The following SF3A1 variants were observed in gnomAD, a reference collection of about 807,000 sequenced individuals.
The protein encoded by SF3A1 is splicing factor 3a subunit 1, also known as SAP 114.
Under a neutral mutation model 89.9 loss-of-function variants are expected in SF3A1, and 13 were observed. The ratio of observed to expected loss-of-function variants is 0.14; its 90% confidence interval spans 0.09 to 0.23. The LOEUF (loss-of-function observed/expected upper bound fraction) is 0.23, where lower values mean the gene tolerates loss of function less well. SF3A1 is among the 10% of genes least tolerant of loss of function. SF3A1 has a pLI of 1.00. For synonymous variants in SF3A1, 405 were observed against 374.4 expected (o/e 1.08, Z -0.94); for missense variants, 604 against 1,022.1 (o/e 0.59, Z 5.58).
chr22:30,339,587 C>G (rs1431154276), intron 9 of SF3A1, among the ~76,000 whole-genome samples: 1 of 152,138 alleles, frequency 6.6e-6, no homozygotes, highest in Non-Finnish European at 1.5e-5. Flanking sequence ...GAAACCCCGT[C>G]TCTACTGAAA....
chr22:30,341,098 A>G (rs1931237127), intron 7 of SF3A1, among the ~76,000 whole-genome samples: 1 of 132,672 alleles, frequency 7.5e-6, no homozygotes, highest in South Asian at 2.9e-4. Context: ...CCGGGGGGGG[A>G]CAGTGCCAAG....
chr22:30,348,181 C>T (rs1931476509), intron 2 of SF3A1, among the ~76,000 whole-genome samples: 1 of 152,190 alleles, frequency 6.6e-6, no homozygotes, highest in Non-Finnish European at 1.5e-5. Context: ...ATGCAAGGGG[C>T]TAGGAGGGGT....
chr22:30,346,626 C>A, intron 2 of SF3A1, 107 bp from the exon 3 acceptor site: 1 of 1,258,978 alleles, frequency 7.9e-7, no homozygotes, highest in Admixed American at 2.0e-5. Flanking sequence ...ACTGCTCAAA[C>A]CAGCCCATCC....
chr22:30,337,007 G>A lies in SF3A1; in HGVS notation c.2106+19C>T, dbSNP rs777579411. 1 of 1,613,892 alleles carries A rather than the reference G, an allele frequency of 6.2e-7. No homozygotes were observed. Among genetic ancestry groups the A allele is most frequent in the Non-Finnish European group, 8.5e-7 (1 of 1,179,888 alleles). The stretch of plus-strand genomic sequence containing the variant: ...AACCCTCCAGCTAGAAACTTCAGCA[G>A]CATTCTGGGATTACATACCTTGTTT... On this transcript the variant is annotated intron_variant, in intron 13 of 15. Transcript: ENST00000215793.
intron 6 of SF3A1, 61 bp from the exon 7 acceptor site, chr22:30,341,946 T>A: frequency 6.6e-7 from 1 of 1,519,218 alleles, no homozygotes; most frequent in Non-Finnish European, 9.0e-7. Flanking sequence ...TTGCCCTGTC[T>A]GAGCTCCCCA....
At position 30,342,310 on chromosome 22, in the gene SF3A1, T is replaced by G; in HGVS notation, c.767A>C (p.Glu256Ala). Reference protein sequence around the residue: ...RVEWAKFQERERKKEEEEKEK... With the variant: ...RVEWAKFQERARKKEEEEKEK... ...CTTCTCCTCTTCTTCCTTCTTCCTCTCACGTTCCTGGAATTTGGCCCATTC... is the reference window on the plus strand; with the variant it reads ...CTTCTCCTCTTCTTCCTTCTTCCTCGCACGTTCCTGGAATTTGGCCCATTC... Residue 256 changes from glutamate (E) to alanine (A), a missense_variant, in exon 6 of 16, where the codon GAG (glutamate) becomes GCG (alanine). By Grantham distance (107) the Glu-to-Ala change is moderately radical. This residue lies in a region of SF3A1 where 162 missense variants were observed against 229.2 expected (regional missense o/e 0.71). Coordinates refer to ENST00000215793, the MANE Select transcript of SF3A1 (RefSeq NM_005877.6). The G allele has an allele frequency of 6.2e-7, 1 of 1,613,798 alleles. No homozygotes were observed. Among genetic ancestry groups the G allele is most frequent in the Non-Finnish European group, 8.5e-7 (1 of 1,179,866 alleles).
chr22:30,352,992 C>T lies in SF3A1; in HGVS notation c.144G>A (p.Glu48=), dbSNP rs1476574562. The change falls in exon 2 of 16, where the codon GAG becomes GAA. Residue 48 remains glutamate (E), a synonymous_variant. Transcript: ENST00000215793. ...CAGTCTTGTCAACAATATTTCTGAC[C>T]TCTGGAGGAGGGTAAATAATCCCCA... is the stretch of plus-strand genomic sequence containing the variant. ...PVVGIIYPPP[E]VRNIVDKTAS... 1.2e-6 allele frequency: 2 copies of T among 1,614,206 alleles called. No individual in the cohort carries two copies. The highest frequency in any genetic ancestry group is 1.7e-5 in the Admixed American group (1 of 60,024).
chr22:30,348,279 G>T (rs947687001), intron 2 of SF3A1, among the ~76,000 whole-genome samples: 2 of 152,208 alleles, frequency 1.3e-5, no homozygotes, highest in Non-Finnish European at 2.9e-5. Flanking sequence ...ACCAAGGCAT[G>T]GCCCCGGCAT....
intron 2 of SF3A1, among the ~76,000 whole-genome samples, chr22:30,348,340 G>C (rs899810590): frequency 6.6e-6 from 1 of 152,158 alleles, no homozygotes; most frequent in Non-Finnish European, 1.5e-5. Flanking sequence ...TCCCTGGCCT[G>C]TGAGTTTAAG....
rs776661122 is a variant in SF3A1 at position 30,334,342 on chromosome 22, G to C, written c.*252C>G. On this transcript the variant is annotated 3_prime_UTR_variant, in exon 16 of 16. Coordinates refer to ENST00000215793, the MANE Select transcript of SF3A1 (RefSeq NM_005877.6). ...GTTGCTAATGGGCTGCTGAAGAAAT[G>C]AATGTCCTCAAATCGAGACCCTAAC... The C allele has an allele frequency of 1.7e-5, 6 of 350,454 alleles. No homozygotes were observed. Among genetic ancestry groups the C allele is most frequent in the South Asian group, 4.8e-5 (1 of 20,890 alleles). 21.7% of individuals were successfully genotyped at this position (350,454 alleles called of 1,614,324 possible).
At chr22:30,336,980 T>C (rs1345787280) in intron 13 of SF3A1, 46 bp downstream of exon 13, 1 of 1,612,092 alleles carries the variant, frequency 6.2e-7, no homozygotes, top group Admixed American at 1.7e-5. Context: ...GGGGCGGGAC[T>C]GAACCCTCCA....
intron 8 of SF3A1, 151 bp downstream of exon 8, chr22:30,340,544 T>C: frequency 1.2e-6 from 1 of 864,382 alleles, no homozygotes; most frequent in South Asian, 1.5e-5. Context: ...CTGGGCCCTG[T>C]TCCCACCATG....
In SF3A1 at chr22:30,340,311, G is replaced by GTA. The variant is rs1239748693; in HGVS notation, c.1259_1260insTA (p.Pro421ThrfsTer47). The GTA allele has an allele frequency of 6.2e-7, 1 of 1,612,906 alleles. No individual in the cohort carries two copies. The highest frequency in any genetic ancestry group is 8.5e-7 in the Non-Finnish European group (1 of 1,179,720). On this transcript the variant is annotated frameshift_variant, in exon 9 of 16. Transcript: ENST00000215793. LOFTEE classifies it high-confidence loss of function. The stretch of plus-strand genomic sequence containing the variant: ...TGTGTTCCTGCATTTTGCTGGCGGG[G>GTA]ATCTTCTCCCCAGTAATGGGGGACA...
chr22:30,353,256 G>A (rs967291969), intron 1 of SF3A1, among the ~76,000 whole-genome samples, 184 bp from the exon 2 acceptor site: 1 of 152,170 alleles, frequency 6.6e-6, no homozygotes, highest in African/African-American at 2.4e-5. Flanking sequence ...GGCTGCTCCT[G>A]GGGACCCAGG....
At position 30,356,884 on chromosome 22, in the gene SF3A1, C is replaced by G. The variant is rs898997069; in HGVS notation, c.-92G>C. 3 of 1,101,988 alleles carry G rather than the reference C, an allele frequency of 2.7e-6. No homozygotes were observed. The highest frequency in any genetic ancestry group is 3.5e-6 in the Non-Finnish European group (3 of 862,174). 68.3% of individuals were successfully genotyped at this position (1,101,988 alleles called of 1,614,324 possible). A position where few individuals can be genotyped will look rare whatever the true frequency, so the allele number is the denominator to read the frequency against. Reference sequence around the variant, plus strand: ...CCCCGCTCGGTCAGTACGACGAGCTCGCAAGATGGCGGCGGCCGAGCGAGT... The same window carrying G: ...CCCCGCTCGGTCAGTACGACGAGCTGGCAAGATGGCGGCGGCCGAGCGAGT... On this transcript the variant is annotated 5_prime_UTR_variant, in exon 1 of 16. Transcript: ENST00000215793.
At chr22:30,346,967 A>C (rs532018776) in intron 2 of SF3A1, among the ~76,000 whole-genome samples, 2 of 152,348 alleles carry the variant, frequency 1.3e-5, no homozygotes, top group East Asian at 3.9e-4. Context: ...AAGTTTGCTG[A>C]GACTAATTCT....
intron 1 of SF3A1, among the ~76,000 whole-genome samples, chr22:30,355,250 A>C (rs1419080603): frequency 6.6e-6 from 1 of 152,134 alleles, no homozygotes; most frequent in Non-Finnish European, 1.5e-5. Flanking sequence ...ACCTCAAGTG[A>C]TCTGTCTGCC....
intron 9 of SF3A1, 56 bp from the exon 10 acceptor site, chr22:30,339,307 C>A: frequency 6.2e-7 from 1 of 1,603,600 alleles, no homozygotes. Flanking sequence ...ACCAGGTGTC[C>A]TGACAAGAGA....
intron 2 of SF3A1, among the ~76,000 whole-genome samples, chr22:30,350,945 C>A (rs1363004988): frequency 6.6e-6 from 1 of 152,240 alleles, no homozygotes; most frequent in Non-Finnish European, 1.5e-5. Context: ...ACCTAATACT[C>A]AAAGGTAATC....
Sources: allele counts gnomAD v4.1 joint callset (sites outside exome capture counted in the v4.1 genomes callset), GRCh38; gene constraint gnomAD v4.1.1; regional missense constraint gnomAD v4.1.1; transcripts MANE v1.5; gene names NCBI Gene and HGNC (gene_info 2026-07-23, HGNC 2026-07-21).